Variants in TTBK2 observed in about 807,000 individuals in gnomAD.
The protein encoded by TTBK2 is tau-tubulin kinase 2.
TTBK2 carries 28 observed loss-of-function variants against 110.8 expected under a neutral mutation model. That is an observed-to-expected ratio of 0.25 (90% confidence interval 0.19 to 0.35). The LOEUF is 0.35. Ranked by LOEUF, TTBK2 falls within the 10% of genes least tolerant of loss-of-function variation. TTBK2 has a pLI of 1.00. For missense variants in TTBK2, 1,369 were observed against 1,500.3 expected, an observed-to-expected ratio of 0.91 and a Z score of 1.45; for synonymous variants, 532 against 527.3, an observed-to-expected ratio of 1.01 and a Z score of -0.12.
At chr15:42,800,871 C>T (rs563650112) in intron 9 of TTBK2, 17 of 610,938 alleles carry the variant, frequency 2.8e-5, no homozygotes, top group Middle Eastern at 3.6e-4. Context: ...GGCTGAGCCT[C>T]GGGTGGGTCT....
intron 4 of TTBK2, among the ~76,000 whole-genome samples, chr15:42,833,570 C>G (rs1274764208): frequency 6.6e-6 from 1 of 152,128 alleles, no homozygotes; most frequent in Admixed American, 6.5e-5. Context: ...ATAATTTCAT[C>G]TATATACATT....
chr15:42,775,148 C>T lies in TTBK2; in HGVS notation c.1985G>A (p.Gly662Glu). The change falls in exon 13 of 15, where the codon GGA becomes GAA. Residue 662 changes from glycine to glutamate, a missense_variant. By Grantham distance (98) the Gly-to-Glu change is moderately conservative. Transcript: ENST00000267890. ...PTSLMEAQAE[G>E]PLTAITIPRP... Reference sequence around the variant, plus strand: ...CAAATTTCTTACCGCTGTAAGGGGTCCTTCTGCCTGCGCCTCCATTAGACT... The same window carrying T: ...CAAATTTCTTACCGCTGTAAGGGGTTCTTCTGCCTGCGCCTCCATTAGACT... 6.2e-7 allele frequency: 1 copy of T among 1,613,768 alleles called. No individual in the cohort carries two copies. The highest frequency in any genetic ancestry group is 8.5e-7 in the Non-Finnish European group (1 of 1,180,018).
intron 13 of TTBK2, 24 bp from the exon 14 acceptor site, chr15:42,753,271 A>G (rs749884465): frequency 1.0e-5 from 16 of 1,604,034 alleles, no homozygotes; most frequent in Non-Finnish European, 1.3e-5. Flanking sequence ...AGAAAAAATT[A>G]AAATGCAATT....
intron 3 of TTBK2, among the ~76,000 whole-genome samples, chr15:42,868,377 T>C (rs1471884758): frequency 4.6e-5 from 7 of 152,162 alleles, no homozygotes; most frequent in African/African-American, 1.2e-4. Context: ...GATGTATCAA[T>C]GTAGGTTCAT....
At position 42,752,489 on chromosome 15, in the gene TTBK2, A is replaced by G. The variant is rs552522869; in HGVS notation, c.2757T>C (p.Cys919=). 6.2e-7 allele frequency: 1 copy of G among 1,614,224 alleles called. No homozygotes were observed. The highest frequency in any genetic ancestry group is 1.3e-5 in the African/African-American group (1 of 75,054). The part of the protein sequence containing the change: ...ITPRNGELFH[C]VSENEHGAPT... ...GGGCACCATGTTCATTCTCTGAAACACAATGAAATAGTTCTCCATTTCTAG... is the reference window on the plus strand; with the variant it reads ...GGGCACCATGTTCATTCTCTGAAACGCAATGAAATAGTTCTCCATTTCTAG... Residue 919 remains cysteine (C), a synonymous_variant, in exon 14 of 15, where the codon TGT becomes TGC. Coordinates refer to ENST00000267890, the MANE Select transcript of TTBK2 (RefSeq NM_173500.4).
At chr15:42,920,063 T>C (rs912323469) in intron 1 of TTBK2, among the ~76,000 whole-genome samples, 1 of 152,062 alleles carries the variant, frequency 6.6e-6, no homozygotes, top group Admixed American at 6.6e-5. Context: ...GGGTGGGAAA[T>C]AAGCGCTCAG....
intron 4 of TTBK2, among the ~76,000 whole-genome samples, chr15:42,834,156 T>C (rs1427167176): frequency 1.5e-5 from 2 of 129,300 alleles, no homozygotes; most frequent in African/African-American, 6.3e-5. Flanking sequence ...CACTCCACTG[T>C]GCTCCAACCA....
intron 13 of TTBK2, among the ~76,000 whole-genome samples, chr15:42,761,032 T>C (rs1595884336): frequency 6.6e-6 from 1 of 152,314 alleles, no homozygotes; most frequent in South Asian, 2.1e-4. Flanking sequence ...TAGATCCATT[T>C]ATCTACAGCC....
chr15:42,851,942 T>C (rs1893733265), intron 3 of TTBK2, among the ~76,000 whole-genome samples: 1 of 152,168 alleles, frequency 6.6e-6, no homozygotes, highest in Non-Finnish European at 1.5e-5. Flanking sequence ...GAACTGGATA[T>C]TAGTTATATA....
At chr15:42,842,809 A>G (rs1893278147) in intron 3 of TTBK2, among the ~76,000 whole-genome samples, 1 of 152,100 alleles carries the variant, frequency 6.6e-6, no homozygotes, top group Non-Finnish European at 1.5e-5. Context: ...TTTGTTTATA[A>G]AGGGGGTATA....
At chr15:42,771,130 C>T (rs1466400435) in intron 13 of TTBK2, among the ~76,000 whole-genome samples, 9 of 152,090 alleles carry the variant, frequency 5.9e-5, no homozygotes, top group African/African-American at 1.2e-4. Flanking sequence ...GCTGCCACCA[C>T]GCCTGGCTAG....
chr15:42,865,341 T>C (rs545523387), intron 3 of TTBK2, among the ~76,000 whole-genome samples: 1 of 152,066 alleles, frequency 6.6e-6, no homozygotes, highest in African/African-American at 2.4e-5. Flanking sequence ...GCATCTGTAG[T>C]CTCAACTACT....
chr15:42,770,113 G>A (rs1021855340), intron 13 of TTBK2, among the ~76,000 whole-genome samples: 1 of 141,666 alleles, frequency 7.1e-6, no homozygotes, highest in Non-Finnish European at 1.5e-5. Flanking sequence ...GGGGTGGGGG[G>A]CAGGGGGAGG....
intron 13 of TTBK2, among the ~76,000 whole-genome samples, chr15:42,772,232 C>T (rs1318367638): frequency 2.6e-5 from 4 of 152,010 alleles, no homozygotes; most frequent in African/African-American, 4.8e-5. Flanking sequence ...CACCTCTCTT[C>T]CCCCATTTCT....
At chr15:42,795,806 G>C (rs1314190350) in intron 9 of TTBK2, among the ~76,000 whole-genome samples, 1 of 140,200 alleles carries the variant, frequency 7.1e-6, no homozygotes, top group African/African-American at 2.7e-5. Flanking sequence ...TCGTGTCACT[G>C]TACTCCAACC....
At chr15:42,899,077 C>T (rs1895779737) in intron 1 of TTBK2, among the ~76,000 whole-genome samples, 1 of 152,148 alleles carries the variant, frequency 6.6e-6, no homozygotes, top group Non-Finnish European at 1.5e-5. Context: ...TCTGAAAACT[C>T]CACCTCCTGG....
At chr15:42,865,733 G>A (rs1894349178) in intron 3 of TTBK2, among the ~76,000 whole-genome samples, 1 of 152,048 alleles carries the variant, frequency 6.6e-6, no homozygotes, top group Admixed American at 6.6e-5. Context: ...CAAAGCAAGA[G>A]GATCACTTGA....
At chr15:42,785,757 T>A (rs942468072) in intron 10 of TTBK2, among the ~76,000 whole-genome samples, 10 of 151,690 alleles carry the variant, frequency 6.6e-5, no homozygotes, top group African/African-American at 1.2e-4. Flanking sequence ...TTTTTTTTTT[T>A]AAATATTGCT....
chr15:42,913,982 T>C (rs945492061), intron 1 of TTBK2, among the ~76,000 whole-genome samples: 26 of 134,772 alleles, frequency 1.9e-4, no homozygotes, highest in African/African-American at 6.7e-4. Context: ...ATTAACTTCC[T>C]TTTTTTTTTT....
Sources: allele counts gnomAD v4.1 joint callset (sites outside exome capture counted in the v4.1 genomes callset), GRCh38; gene constraint gnomAD v4.1.1; transcripts MANE v1.5; gene names NCBI Gene and HGNC (gene_info 2026-07-23, HGNC 2026-07-21).